Variants in CHL1 observed in about 807,000 individuals in gnomAD.
CHL1 encodes neural cell adhesion molecule L1-like protein.
CHL1 carries 96 observed loss-of-function variants against 141.9 expected under a neutral mutation model. The ratio of observed to expected loss-of-function variants is 0.68; its 90% CI spans 0.57 to 0.80. The LOEUF is 0.80. CHL1 is among the 30% of genes least tolerant of loss of function. The pLI, the probability that CHL1 is intolerant of heterozygous loss-of-function variation, is 0.00. For missense variants in CHL1, 1,820 were observed against 1,457.2 expected (o/e 1.25, Z -4.05); for synonymous variants, 613 against 502.2 (o/e 1.22, Z -2.95).
At chr3:307,282 A>G (rs1360790545) in intron 2 of CHL1, among the ~76,000 whole-genome samples, 2 of 152,232 alleles carry the variant, frequency 1.3e-5, no homozygotes, top group Non-Finnish European at 2.9e-5. Context: ...ATGTACACAT[A>G]TGCTCATAAG....
intron 1 of CHL1, among the ~76,000 whole-genome samples, chr3:231,681 A>G (rs967616090): frequency 1.3e-5 from 2 of 149,738 alleles, no homozygotes; most frequent in Non-Finnish European, 3.0e-5. Flanking sequence ...GGTTCAAGCA[A>G]TTCTCCTGCC....
chr3:269,424 A>T (rs1695441244), intron 2 of CHL1, among the ~76,000 whole-genome samples: 1 of 152,156 alleles, frequency 6.6e-6, no homozygotes, highest in Non-Finnish European at 1.5e-5. Flanking sequence ...GATAGGAGAA[A>T]AATGGAGAGA....
At chr3:215,105 G>T (rs1369280269) in intron 1 of CHL1, among the ~76,000 whole-genome samples, 1 of 152,138 alleles carries the variant, frequency 6.6e-6, no homozygotes, top group Non-Finnish European at 1.5e-5. Context: ...ATACTATGTT[G>T]AAGAGATTCC....
rs1575112614 is a variant in CHL1 at position 340,981 on chromosome 3, A to G, written c.508+65A>G. 4 of 1,474,822 alleles carry G rather than the reference A, an allele frequency of 2.7e-6. 1 individual carries two copies. In the South Asian group the frequency reaches 3.7e-5, roughly 14 times the overall value. 91.4% of individuals were successfully genotyped at this position (1,474,822 alleles called of 1,614,324 possible). ...TAATTCTATCCATCATATCAATAAC[A>G]TAATGAATCCAAAGACAAAATAAAA... On this transcript the variant is annotated intron_variant, in intron 6 of 27. Transcript: ENST00000256509.
At chr3:344,356 A>G (rs1702584836) in intron 8 of CHL1, among the ~76,000 whole-genome samples, 1 of 152,162 alleles carries the variant, frequency 6.6e-6, no homozygotes, top group South Asian at 2.1e-4. Flanking sequence ...AATAATATTT[A>G]TAAAATTTTG....
intron 2 of CHL1, among the ~76,000 whole-genome samples, chr3:310,681 A>G (rs1015797795): frequency 1.3e-5 from 2 of 152,164 alleles, no homozygotes; most frequent in Non-Finnish European, 2.9e-5. Context: ...CCTCTCCGTT[A>G]TCAACACCAC....
chr3:326,323 A>G (rs771939979), intron 4 of CHL1, among the ~76,000 whole-genome samples: 5 of 152,022 alleles, frequency 3.3e-5, no homozygotes, highest in Admixed American at 2.0e-4. Context: ...CAGCAGAAAT[A>G]CTCCACAATC....
intron 5 of CHL1, among the ~76,000 whole-genome samples, chr3:329,422 G>T (rs1701269777): frequency 1.3e-5 from 2 of 151,958 alleles, no homozygotes; most frequent in African/African-American, 2.4e-5. Flanking sequence ...TATTTAAATT[G>T]TCCTAAAGTC....
chr3:222,790 T>C (rs1283287002), intron 1 of CHL1, among the ~76,000 whole-genome samples: 1 of 152,186 alleles, frequency 6.6e-6, no homozygotes, highest in Admixed American at 6.5e-5. Context: ...GGGAAAAGTC[T>C]CTTCTAACGC....
intron 3 of CHL1, among the ~76,000 whole-genome samples, chr3:322,387 G>A (rs866107995): frequency 4.6e-5 from 7 of 151,738 alleles, no homozygotes; most frequent in South Asian, 2.1e-4. Context: ...TGCTCAAAAT[G>A]TGGTTTCCAG....
chr3:336,244 A>G (rs1701851523), intron 5 of CHL1, among the ~76,000 whole-genome samples: 1 of 152,152 alleles, frequency 6.6e-6, no homozygotes, highest in Non-Finnish European at 1.5e-5. Flanking sequence ...ATACCTTGAT[A>G]CTAGATTACA....
rs148328291 is a variant in CHL1 at position 220,218 on chromosome 3, C to T, written c.-175+23155C>T. On this transcript the variant is annotated intron_variant, in intron 1 of 27. Coordinates refer to ENST00000256509, the MANE Select transcript of CHL1 (RefSeq NM_006614.4). ...GCTGATTGTGGTGGTATTAATACCC[C>T]ATCTACCTTTGTCAATATTCATTGA... 3.0e-4 allele frequency among the ~76,000 whole-genome samples: 46 copies of T among 152,172 alleles called. No homozygotes were observed. In the East Asian group the frequency reaches 7.9e-3, roughly 26 times the overall value.
intron 1 of CHL1, among the ~76,000 whole-genome samples, chr3:210,617 G>T (rs1255437905): frequency 1.3e-5 from 2 of 152,214 alleles, no homozygotes; most frequent in East Asian, 1.9e-4. Context: ...TCCTCAGACC[G>T]TTCAGATTCA....
At chr3:287,288 G>A (rs562668385) in intron 2 of CHL1, among the ~76,000 whole-genome samples, 35 of 151,988 alleles carry the variant, frequency 2.3e-4, no homozygotes, top group Non-Finnish European at 4.3e-4. Flanking sequence ...AATCTGTCTT[G>A]TTCACCACTC....
chr3:402,011 C>T lies in CHL1; in HGVS notation c.3458+313C>T, dbSNP rs367843341. The stretch of plus-strand genomic sequence containing the variant: ...ATCTATAGCATGGCCATTATGAACT[C>T]GGGTTCAATCCAATTTGCATCCACA... On this transcript the variant is annotated intron_variant, in intron 27 of 27. Transcript: ENST00000256509. Among the ~76,000 whole-genome samples, 7 of 152,150 alleles carry T rather than the reference C, an allele frequency of 4.6e-5. No individual in the cohort carries two copies. The East Asian group carries it at 5.8e-4, about 13-fold the overall frequency.
chr3:197,823 C>T (rs1183077734), intron 1 of CHL1: 13 of 454,902 alleles, frequency 2.9e-5, no homozygotes, highest in East Asian at 2.8e-4. Context: ...CTGGAGATGC[C>T]GGTCGCGGAT....
intron 2 of CHL1, among the ~76,000 whole-genome samples, chr3:294,791 A>G (rs1698034383): frequency 6.6e-6 from 1 of 152,188 alleles, no homozygotes; most frequent in Admixed American, 6.5e-5. Context: ...ACTGCGGTCG[A>G]CCACAATTCA....
At chr3:231,590 T>G (rs1172664631) in intron 1 of CHL1, among the ~76,000 whole-genome samples, 1 of 148,742 alleles carries the variant, frequency 6.7e-6, no homozygotes, top group Admixed American at 6.7e-5. Context: ...TTTTTTTTTT[T>G]TTTTTGAGAT....
intron 2 of CHL1, among the ~76,000 whole-genome samples, chr3:290,690 C>G (rs564458544): frequency 1.3e-5 from 2 of 152,146 alleles, no homozygotes; most frequent in South Asian, 2.1e-4. Flanking sequence ...TGCATAAACC[C>G]CTTTCCTCAT....
Sources: allele counts gnomAD v4.1 joint callset (sites outside exome capture counted in the v4.1 genomes callset), GRCh38; gene constraint gnomAD v4.1.1; transcripts MANE v1.5; gene names NCBI Gene and HGNC (gene_info 2026-07-23, HGNC 2026-07-21).